The following IQCM variants were observed in gnomAD, a reference collection of about 807,000 sequenced individuals.
IQCM encodes IQ domain-containing protein M.
A neutral mutation model predicts 57.6 loss-of-function variants in IQCM; 45 were observed. That is an observed-to-expected ratio of 0.78 (90% CI 0.62 to 1.00). The LOEUF (loss-of-function observed/expected upper bound fraction) is 1.00. IQCM is among the 50% of genes least tolerant of loss of function. The pLI is 0.00. For missense variants in IQCM, 468 were observed against 511.6 expected (o/e 0.91, Z 0.82); for synonymous variants, 148 against 158.9 (o/e 0.93, Z 0.51).
chr4:149,792,411 T>A (rs1264941093), intron 2 of IQCM, among the ~76,000 whole-genome samples: 2 of 152,056 alleles, frequency 1.3e-5, no homozygotes, highest in East Asian at 3.8e-4. Flanking sequence ...TAAAAAAATA[T>A]AAAATTTTCA....
At chr4:149,456,804 G>A (rs1737752043) in intron 12 of IQCM, among the ~76,000 whole-genome samples, 1 of 152,008 alleles carries the variant, frequency 6.6e-6, no homozygotes, top group Non-Finnish European at 1.5e-5. Flanking sequence ...TGCTTCTGCT[G>A]TTTTCTCATA....
intron 7 of IQCM, among the ~76,000 whole-genome samples, chr4:149,679,945 T>C (rs112564754): frequency 3.3e-5 from 5 of 151,552 alleles, no homozygotes; most frequent in African/African-American, 1.2e-4. Flanking sequence ...ACACAAAGTG[T>C]GGACCACTCT....
intron 9 of IQCM, among the ~76,000 whole-genome samples, chr4:149,564,243 C>T (rs1039602665): frequency 2.6e-5 from 4 of 152,150 alleles, no homozygotes; most frequent in African/African-American, 9.7e-5. Flanking sequence ...CTACAGAGTA[C>T]TTCAAAATTA....
At chr4:149,453,665 G>A (rs955186580) in intron 12 of IQCM, among the ~76,000 whole-genome samples, 2 of 151,806 alleles carry the variant, frequency 1.3e-5, no homozygotes, top group African/African-American at 4.8e-5. Flanking sequence ...ACCACAATGA[G>A]ATACCACTTC....
intron 7 of IQCM, among the ~76,000 whole-genome samples, chr4:149,623,665 A>G (rs1018329862): frequency 6.6e-6 from 1 of 152,144 alleles, no homozygotes; most frequent in South Asian, 2.1e-4. Flanking sequence ...CCCTTCCTGG[A>G]GTCAACAATC....
intron 8 of IQCM, among the ~76,000 whole-genome samples, chr4:149,596,814 T>G (rs1290088545): frequency 6.6e-6 from 1 of 152,144 alleles, no homozygotes; most frequent in South Asian, 2.1e-4. Flanking sequence ...TGTCTCACCT[T>G]AGTAGTGCCC....
At chr4:149,648,642 G>T (rs922504993) in intron 7 of IQCM, among the ~76,000 whole-genome samples, 1 of 152,058 alleles carries the variant, frequency 6.6e-6, no homozygotes, top group African/African-American at 2.4e-5. Context: ...TGGTTGAACT[G>T]CAAGGACAAA....
chr4:149,614,173 A>C (rs549374659), intron 8 of IQCM, among the ~76,000 whole-genome samples: 1 of 152,278 alleles, frequency 6.6e-6, no homozygotes, highest in African/African-American at 2.4e-5. Flanking sequence ...AATGTCCAGA[A>C]GTCCATAATA....
At chr4:149,567,090 C>T (rs1750705011) in intron 9 of IQCM, among the ~76,000 whole-genome samples, 2 of 152,156 alleles carry the variant, frequency 1.3e-5, no homozygotes, top group South Asian at 4.1e-4. Flanking sequence ...TCTGTGCCTT[C>T]AATATATTTT....
Position 149,701,840 on chromosome 4 carries a change from G to A in IQCM, c.386-15372C>T, listed in dbSNP as rs901430565. Among the ~76,000 whole-genome samples the A allele has an allele frequency of 3.9e-5, 6 of 152,086 alleles. No individual in the cohort carries two copies. The South Asian group carries it at 6.2e-4, about 16-fold the overall frequency. ...AAAGTCCAATTTATGTTTTACAGAT[G>A]TATGGATGAGTACAATTATTTTTCT... is the stretch of plus-strand genomic sequence containing the variant. On this transcript the variant is annotated intron_variant, in intron 5 of 13. Transcript: ENST00000636793.
intron 7 of IQCM, among the ~76,000 whole-genome samples, chr4:149,656,422 G>C (rs946057402): frequency 6.6e-6 from 1 of 151,950 alleles, no homozygotes; most frequent in Non-Finnish European, 1.5e-5. Context: ...CGAATTTTGG[G>C]AGATAGCTGA....
At chr4:149,382,062 G>A (rs1189889164) in intron 13 of IQCM, among the ~76,000 whole-genome samples, 1 of 152,022 alleles carries the variant, frequency 6.6e-6, no homozygotes, top group Non-Finnish European at 1.5e-5. Context: ...ATCGTGCCTG[G>A]CCCTCCATAG....
At chr4:149,354,356 T>A in intron 13 of IQCM, among the ~76,000 whole-genome samples, 1 of 13,302 alleles carries the variant, frequency 7.5e-5, no homozygotes, top group African/African-American at 3.2e-4. Flanking sequence ...AGAGCGAGAC[T>A]CCGTCTCAAA....
intron 13 of IQCM, among the ~76,000 whole-genome samples, chr4:149,393,683 A>G (rs1732024307): frequency 6.6e-6 from 1 of 151,946 alleles, no homozygotes; most frequent in Non-Finnish European, 1.5e-5. Flanking sequence ...GCAATGATAG[A>G]CCCATATTAA....
chr4:149,632,387 T>C (rs1757341114), intron 7 of IQCM, among the ~76,000 whole-genome samples: 1 of 152,240 alleles, frequency 6.6e-6, no homozygotes, highest in African/African-American at 2.4e-5. Flanking sequence ...ATGTATGAGC[T>C]ACAATAATTG....
At chr4:149,718,066 G>A (rs1765148800) in intron 5 of IQCM, among the ~76,000 whole-genome samples, 1 of 152,202 alleles carries the variant, frequency 6.6e-6, no homozygotes, top group Non-Finnish European at 1.5e-5. Flanking sequence ...CATGGCTTTG[G>A]TGAGAGTAAA....
intron 13 of IQCM, among the ~76,000 whole-genome samples, chr4:149,368,642 TTCCTC>T: frequency 6.6e-6 from 1 of 150,500 alleles, no homozygotes; most frequent in Non-Finnish European, 1.5e-5. Context: ...GAATTTGAAA[TTCCTC>T]ATCATATTTC....
At chr4:149,389,868 A>C (rs1450166958) in intron 13 of IQCM, among the ~76,000 whole-genome samples, 2 of 151,138 alleles carry the variant, frequency 1.3e-5, no homozygotes, top group Non-Finnish European at 3.0e-5. Flanking sequence ...ATAATAAATG[A>C]AAAAAAAAGT....
At chr4:149,745,980 G>C (rs923775118) in intron 2 of IQCM, among the ~76,000 whole-genome samples, 1 of 143,342 alleles carries the variant, frequency 7.0e-6, no homozygotes. Context: ...TCAAAGAAAA[G>C]AAAAAGACAA....
Sources: allele counts gnomAD v4.1 joint callset (sites outside exome capture counted in the v4.1 genomes callset), GRCh38; gene constraint gnomAD v4.1.1; transcripts MANE v1.5; gene names NCBI Gene and HGNC (gene_info 2026-07-23, HGNC 2026-07-21).